SPTLC2: variants seen among roughly 807,000 people sequenced by gnomAD.
SPTLC2 encodes serine palmitoyltransferase long chain base subunit 2.
A neutral mutation model predicts 62.0 loss-of-function variants in SPTLC2; 21 were observed. The observed-to-expected ratio is 0.34, with a 90% CI of 0.24 to 0.49. The LOEUF (loss-of-function observed/expected upper bound fraction) is 0.49. Ranked by LOEUF, SPTLC2 falls within the 20% of genes least tolerant of loss-of-function variation. The pLI is 0.99. For synonymous variants in SPTLC2, 261 were observed against 261.8 expected (o/e 1.00, Z 0.03); for missense variants, 511 against 713.0 (o/e 0.72, Z 3.23).
intron 9 of SPTLC2, among the ~76,000 whole-genome samples, chr14:77,550,866 T>C (rs1307872267): frequency 7.0e-6 from 1 of 143,202 alleles, no homozygotes; most frequent in African/African-American, 2.6e-5. Flanking sequence ...ATCGCACCAC[T>C]ACACTCCAGC....
intron 6 of SPTLC2, 179 bp from the exon 7 acceptor site, chr14:77,557,325 T>G: frequency 1.6e-6 from 1 of 612,332 alleles, no homozygotes; most frequent in Admixed American, 2.8e-5. Context: ...TGAATTGAAA[T>G]CCAAAATGTA....
intron 2 of SPTLC2, among the ~76,000 whole-genome samples, chr14:77,581,119 G>A (rs187119467): frequency 9.2e-5 from 14 of 152,304 alleles, no homozygotes; most frequent in Admixed American, 2.6e-4. Context: ...AGTTTTTACT[G>A]TATCAGCCAA....
At chr14:77,551,534 G>T (rs1485874560) in intron 9 of SPTLC2, among the ~76,000 whole-genome samples, 1 of 152,038 alleles carries the variant, frequency 6.6e-6, no homozygotes, top group Non-Finnish European at 1.5e-5. Flanking sequence ...CTCTGGTGTT[G>T]CAGAATAAAA....
At chr14:77,529,388 C>T (rs112618697) in intron 9 of SPTLC2, among the ~76,000 whole-genome samples, 4,269 of 149,994 alleles carry the variant, frequency 0.028, 219 homozygotes, top group African/African-American at 0.099. Context: ...CGTTGTGTGT[C>T]TCTATTGAAA....
chr14:77,546,793 T>C (rs976547755), intron 9 of SPTLC2, among the ~76,000 whole-genome samples: 7 of 152,068 alleles, frequency 4.6e-5, no homozygotes, highest in African/African-American at 1.7e-4. Flanking sequence ...TGGAGTGTAA[T>C]GGCGCGATCT....
intron 9 of SPTLC2, among the ~76,000 whole-genome samples, chr14:77,544,295 T>C (rs555847188): frequency 2.3e-4 from 35 of 152,292 alleles, no homozygotes; most frequent in Non-Finnish European, 3.8e-4. Flanking sequence ...CATCCCAAAA[T>C]GTCAGGATTA....
intron 9 of SPTLC2, among the ~76,000 whole-genome samples, chr14:77,537,653 T>C (rs1175804809): frequency 6.6e-6 from 1 of 152,218 alleles, no homozygotes; most frequent in Non-Finnish European, 1.5e-5. Flanking sequence ...AAAAGCATTC[T>C]GGAACTGGAT....
At chr14:77,599,675 A>C (rs1014698541) in intron 1 of SPTLC2, among the ~76,000 whole-genome samples, 1 of 152,244 alleles carries the variant, frequency 6.6e-6, no homozygotes, top group African/African-American at 2.4e-5. Context: ...ACACAGCAGA[A>C]AAAGTTTGGT....
chr14:77,523,754 T>C (rs1265352826), intron 9 of SPTLC2, among the ~76,000 whole-genome samples: 4 of 152,134 alleles, frequency 2.6e-5, no homozygotes, highest in South Asian at 4.1e-4. Flanking sequence ...TGGAGATAAA[T>C]GAACCCTAGA....
At chr14:77,533,568 T>A (rs1393019757) in intron 9 of SPTLC2, among the ~76,000 whole-genome samples, 1 of 152,210 alleles carries the variant, frequency 6.6e-6, no homozygotes, top group African/African-American at 2.4e-5. Flanking sequence ...TCGGGAAGGC[T>A]GGACTTGTAC....
chr14:77,578,334 CTTT>C (rs879396969), intron 3 of SPTLC2, among the ~76,000 whole-genome samples: 2 of 136,960 alleles, frequency 1.5e-5, no homozygotes, highest in African/African-American at 2.7e-5. Context: ...GATAGCTTTT[CTTT>C]TTTTTTTTTT....
intron 2 of SPTLC2, among the ~76,000 whole-genome samples, chr14:77,591,914 C>A (rs10873308): frequency 6.6e-6 from 1 of 151,546 alleles, no homozygotes; most frequent in African/African-American, 2.4e-5. Context: ...TAGTAGAGAC[C>A]GGGTTTCACC....
intron 1 of SPTLC2, among the ~76,000 whole-genome samples, chr14:77,614,440 G>A (rs8021660): frequency 0.44 from 66,911 of 151,680 alleles, 15,024 homozygotes; most frequent in East Asian, 0.63. Flanking sequence ...CGAGGCAGGC[G>A]GATCACGAGG....
At chr14:77,614,808 T>C (rs1045940177) in intron 1 of SPTLC2, among the ~76,000 whole-genome samples, 1 of 144,462 alleles carries the variant, frequency 6.9e-6, no homozygotes, top group Non-Finnish European at 1.5e-5. Context: ...CCATCTCTAA[T>C]AAAAATACAA....
At chr14:77,584,731 C>G (rs1203171776) in intron 2 of SPTLC2, among the ~76,000 whole-genome samples, 4 of 152,162 alleles carry the variant, frequency 2.6e-5, no homozygotes, top group African/African-American at 9.7e-5. Context: ...ATTGTCCTTC[C>G]CATTCTTTTC....
intron 5 of SPTLC2, among the ~76,000 whole-genome samples, chr14:77,567,346 C>G (rs959978858): frequency 5.3e-5 from 8 of 152,306 alleles, no homozygotes; most frequent in Admixed American, 2.6e-4. Context: ...TGTAAGCATA[C>G]AGAGAGAAGA....
rs1232440535 is a variant in SPTLC2 at position 77,510,008 on chromosome 14, C to T, written c.*2276G>A. 28 of 398,182 alleles carry T rather than the reference C, an allele frequency of 7.0e-5. No individual in the cohort carries two copies. The East Asian group carries it at 8.9e-4, about 13-fold the overall frequency. The allele number at this position is 398,182 out of a possible 1,614,324, so 24.7% of individuals were successfully genotyped here. On this transcript the variant is annotated 3_prime_UTR_variant, in exon 12 of 12. Transcript: ENST00000216484. ...AAGTTTGTGACTTTTACAAACCCTA[C>T]GTTTACATTAGTAAATAGTAACTGC...
chr14:77,585,981 A>G lies in SPTLC2; in HGVS notation c.328-6872T>C, dbSNP rs571485158. Among the ~76,000 whole-genome samples the G allele has an allele frequency of 2.6e-5, 4 of 152,328 alleles. No individual in the cohort carries two copies. The South Asian group carries it at 8.3e-4, about 32-fold the overall frequency. On this transcript the variant is annotated intron_variant, in intron 2 of 11. Coordinates refer to ENST00000216484, the MANE Select transcript of SPTLC2 (RefSeq NM_004863.4). ...AAACCTTAATACATTCCTGGTGGACATGCAAAATGGCACAGCCAAGGTGGA... is the reference window on the plus strand; with the variant it reads ...AAACCTTAATACATTCCTGGTGGACGTGCAAAATGGCACAGCCAAGGTGGA...
Position 77,534,595 on chromosome 14 carries a change from A to ACACACACACACACACACACACG in SPTLC2, c.1304-13015_1304-13014insCGTGTGTGTGTGTGTGTGTGTG, listed in dbSNP as rs1330312952. Among the ~76,000 whole-genome samples the ACACACACACACACACACACACG allele has an allele frequency of 3.6e-4, 54 of 151,930 alleles. 1 individual carries two copies. The highest frequency in any genetic ancestry group is 7.4e-5 in the Non-Finnish European group (5 of 67,994). ...ACATTTCACATATTTCAGTACACAC[A>ACACACACACACACACACACACG]CACACACACATATGCTAAACATAGA... On this transcript the variant is annotated intron_variant, in intron 9 of 11. Transcript: ENST00000216484.
Sources: allele counts gnomAD v4.1 joint callset (sites outside exome capture counted in the v4.1 genomes callset), GRCh38; gene constraint gnomAD v4.1.1; transcripts MANE v1.5; gene names NCBI Gene and HGNC (gene_info 2026-07-23, HGNC 2026-07-21).